Variants in PVT1 observed in about 807,000 individuals in gnomAD.
PVT1 encodes Pvt1 oncogene, also known as CXCR4/PVT1 fusion.
intron 4 of PVT1, among the ~76,000 whole-genome samples, chr8:128,066,706 A>T (rs1430789593): frequency 5.3e-5 from 8 of 152,170 alleles, no homozygotes. Context: ...CAGCTCTGGT[A>T]CCACATGCCT....
intron 3 of PVT1, among the ~76,000 whole-genome samples, chr8:127,897,912 A>T (rs1195477972): frequency 1.3e-5 from 2 of 149,668 alleles, no homozygotes; most frequent in Non-Finnish European, 3.0e-5. Flanking sequence ...AAAAAGACAG[A>T]CAGGAAGGAA....
At chr8:127,960,939 G>C (rs367801408) in intron 3 of PVT1, among the ~76,000 whole-genome samples, 67 of 121,034 alleles carry the variant, frequency 5.5e-4, no homozygotes, top group Admixed American at 1.1e-3. Flanking sequence ...TGTGTGTTTG[G>C]GGGTGGGGGG....
intron 4 of PVT1, among the ~76,000 whole-genome samples, chr8:128,007,313 A>T (rs539627125): frequency 3.2e-4 from 48 of 152,364 alleles, no homozygotes; most frequent in African/African-American, 1.2e-3. Context: ...ACACAGTTAA[A>T]TAATTGTACT....
At chr8:127,924,046 C>T (rs960109019) in intron 3 of PVT1, among the ~76,000 whole-genome samples, 3 of 152,118 alleles carry the variant, frequency 2.0e-5, no homozygotes, top group Non-Finnish European at 4.4e-5. Flanking sequence ...TGTTGGAGGC[C>T]GGGGGTCAGA....
intron 5 of PVT1, among the ~76,000 whole-genome samples, chr8:128,072,881 T>G (rs1814014927): frequency 6.6e-6 from 1 of 152,186 alleles, no homozygotes; most frequent in South Asian, 2.1e-4. Flanking sequence ...TTGCCCAGGT[T>G]GGAGTACAGT....
At chr8:128,097,234 A>T (rs1453093237) in intron 6 of PVT1, among the ~76,000 whole-genome samples, 1 of 152,132 alleles carries the variant, frequency 6.6e-6, no homozygotes, top group African/African-American at 2.4e-5. Flanking sequence ...GGTAGCGCAC[A>T]TCTGTAATCC....
chr8:128,003,770 T>TA (rs1269815691), intron 4 of PVT1, among the ~76,000 whole-genome samples: 47 of 152,376 alleles, frequency 3.1e-4, no homozygotes, highest in African/African-American at 1.1e-3. Flanking sequence ...ACATGACTGA[T>TA]GAGGGCATAG....
At chr8:128,087,822 G>A (rs371111294) in intron 5 of PVT1, among the ~76,000 whole-genome samples, 1 of 136,720 alleles carries the variant, frequency 7.3e-6, no homozygotes, top group South Asian at 2.3e-4. Flanking sequence ...GAGCAATCTC[G>A]GCTCACTGCA....
At chr8:127,907,747 G>A (rs1288186837) in intron 3 of PVT1, among the ~76,000 whole-genome samples, 3 of 152,084 alleles carry the variant, frequency 2.0e-5, no homozygotes, top group East Asian at 1.9e-4. Flanking sequence ...AATCCTCACC[G>A]TTTCAGACCC....
At chr8:128,022,250 G>T (rs1232827121) in intron 4 of PVT1, among the ~76,000 whole-genome samples, 7 of 152,152 alleles carry the variant, frequency 4.6e-5, no homozygotes, top group African/African-American at 1.7e-4. Flanking sequence ...GACGGGGTGG[G>T]AGTGGATCAA....
At chr8:128,088,265 C>G (rs2720675) in intron 5 of PVT1, among the ~76,000 whole-genome samples, 34,346 of 152,014 alleles carry the variant, frequency 0.23, 5,258 homozygotes, top group African/African-American at 0.43. Flanking sequence ...GCATGGATCT[C>G]GTGAAAGCCC....
chr8:127,899,042 A>G (rs541755190), intron 3 of PVT1, among the ~76,000 whole-genome samples: 1 of 152,350 alleles, frequency 6.6e-6, no homozygotes, highest in East Asian at 1.9e-4. Context: ...AGATGATGGC[A>G]TAAACAAATA....
chr8:127,843,741 G>A (rs1396416350), intron 2 of PVT1, among the ~76,000 whole-genome samples: 1 of 106,546 alleles, frequency 9.4e-6, no homozygotes, highest in Non-Finnish European at 1.8e-5. Context: ...CACCACGCCT[G>A]GCCTGTTTGG....
intron 3 of PVT1, among the ~76,000 whole-genome samples, chr8:127,928,019 T>C (rs1299101071): frequency 6.6e-6 from 1 of 152,196 alleles, no homozygotes; most frequent in African/African-American, 2.4e-5. Context: ...CATCTCCCAC[T>C]ACCTACTGAC....
At chr8:127,967,849 C>G (rs1799780865) in intron 3 of PVT1, among the ~76,000 whole-genome samples, 1 of 152,258 alleles carries the variant, frequency 6.6e-6, no homozygotes, top group Admixed American at 6.5e-5. Context: ...TGAGCACACA[C>G]AGGCTCCCTT....
At chr8:127,871,304 C>T (rs890236656) in intron 2 of PVT1, among the ~76,000 whole-genome samples, 2 of 152,204 alleles carry the variant, frequency 1.3e-5, no homozygotes, top group African/African-American at 2.4e-5. Flanking sequence ...TGCCCAGGAG[C>T]CCTCTCAGGG....
chr8:127,907,557 G>T (rs1029043304), intron 3 of PVT1, among the ~76,000 whole-genome samples: 1 of 152,206 alleles, frequency 6.6e-6, no homozygotes, highest in African/African-American at 2.4e-5. Context: ...GCTGGCTGGG[G>T]TGCATGCTGG....
chr8:127,831,005 A>G (rs546401958), intron 2 of PVT1, among the ~76,000 whole-genome samples: 5 of 152,080 alleles, frequency 3.3e-5, no homozygotes, highest in Admixed American at 3.3e-4. Context: ...TTGTGATCGT[A>G]TAAGTTAATA....
intron 4 of PVT1, among the ~76,000 whole-genome samples, chr8:128,069,098 C>T (rs1482838481): frequency 2.0e-5 from 3 of 152,156 alleles, no homozygotes; most frequent in Admixed American, 6.5e-5. Flanking sequence ...GGAGAAGAGG[C>T]GGCACCTTAA....
Sources: allele counts gnomAD v4.1 joint callset (sites outside exome capture counted in the v4.1 genomes callset), GRCh38; gene constraint gnomAD v4.1.1; transcripts MANE v1.5; gene names NCBI Gene and HGNC (gene_info 2026-07-23, HGNC 2026-07-21).